The following AXL variants were observed in gnomAD, a reference collection of about 807,000 sequenced individuals.
AXL encodes tyrosine-protein kinase receptor UFO.
Under a neutral mutation model 104.5 loss-of-function variants are expected in AXL, and 52 were observed. The ratio of observed to expected loss-of-function variants is 0.50; its 90% CI spans 0.40 to 0.63. The LOEUF (loss-of-function observed/expected upper bound fraction) is 0.63, where lower values mean the gene tolerates loss of function less well. Ranked by LOEUF, AXL falls within the 20% of genes least tolerant of loss-of-function variation. AXL has a pLI of 0.00. For missense variants in AXL, 1,024 were observed against 1,188.5 expected (o/e 0.86, Z 2.04); for synonymous variants, 455 against 473.7 (o/e 0.96, Z 0.51).
At position 41,251,746 on chromosome 19, in the gene AXL, A is replaced by G. The variant is rs181859914; in HGVS notation, c.1712-605A>G. On this transcript the variant is annotated intron_variant, in intron 14 of 19. Transcript: ENST00000301178. Reference sequence around the variant, plus strand: ...AAAAATAAAAAACAAAAACAAAAACAAAACAAAACAAAACAAAAAACCAAT... The same window carrying G: ...AAAAATAAAAAACAAAAACAAAAACGAAACAAAACAAAACAAAAAACCAAT... Among the ~76,000 whole-genome samples the G allele has an allele frequency of 6.6e-5, 10 of 150,994 alleles. No homozygotes were observed. In the East Asian group the frequency reaches 1.7e-3, roughly 26 times the overall value.
intron 19 of AXL, 74 bp downstream of exon 19, chr19:41,257,703 G>A (rs2122293845): frequency 6.3e-7 from 1 of 1,580,994 alleles, no homozygotes; most frequent in African/African-American, 1.3e-5. Flanking sequence ...GCCCTCACAG[G>A]TCCAGGACTC....
intron 19 of AXL, among the ~76,000 whole-genome samples, 191 bp downstream of exon 19, chr19:41,257,820 G>A (rs371339246): frequency 6.6e-6 from 1 of 152,292 alleles, no homozygotes; most frequent in African/African-American, 2.4e-5. Context: ...TCAGCTAAAG[G>A]CACCCTTTCC....
At chr19:41,220,958 G>T (rs1335060215) in intron 2 of AXL, 100 bp downstream of exon 2, 16 of 1,389,712 alleles carry the variant, frequency 1.2e-5, no homozygotes, top group Non-Finnish European at 1.6e-5. Context: ...TGTCAGCCGT[G>T]CGGCTTTGAG....
intron 6 of AXL, among the ~76,000 whole-genome samples, chr19:41,233,108 G>T (rs1460057194): frequency 1.3e-5 from 2 of 151,714 alleles, no homozygotes; most frequent in Non-Finnish European, 2.9e-5. Context: ...TCTTGCCTCA[G>T]CCTCCTGAGT....
rs761277009 is a variant in AXL at position 41,238,084 on chromosome 19, C to T, written c.924C>T (p.Arg308=). The change falls in exon 7 of 20, where the codon CGC becomes CGT. Residue 308 remains arginine, a synonymous_variant. Coordinates refer to ENST00000301178, the MANE Select transcript of AXL (RefSeq NM_021913.5). ...SLHPHTPYHI[R]VACTSSQGPS... is the part of the protein sequence containing the mutation. The stretch of plus-strand genomic sequence containing the variant: ...ATCCTCACACCCCTTATCACATCCG[C>T]GTGGCATGCACCAGCAGCCAGGGCC... 85 of 1,614,024 alleles carry T rather than the reference C, an allele frequency of 5.3e-5. No individual in the cohort carries two copies. The Admixed American group carries it at 1.0e-3, about 19-fold the overall frequency.
intron 14 of AXL, among the ~76,000 whole-genome samples, chr19:41,251,659 A>G (rs1036172221): frequency 6.6e-6 from 1 of 151,822 alleles, no homozygotes; most frequent in Non-Finnish European, 1.5e-5. Context: ...ACCTCCAGTG[A>G]GCTATGTTTG....
In AXL at chr19:41,243,941, C is replaced by T. The variant is rs187534212; in HGVS notation, c.1537+234C>T. ...AACACCAAGGCTGGGTGTGGTGGCT[C>T]ATGCCTGTAATCCTAGCGCTTCGGG... On this transcript the variant is annotated intron_variant, in intron 12 of 19. Coordinates refer to ENST00000301178, the MANE Select transcript of AXL (RefSeq NM_021913.5). 2.6e-3 allele frequency: 1,213 copies of T among 472,382 alleles called. 4 individuals are homozygous for T. Among genetic ancestry groups the T allele is most frequent in the Admixed American group, 5.3e-3 (150 of 28,302 alleles). 29.3% of individuals were successfully genotyped at this position (472,382 alleles called of 1,614,324 possible).
intron 12 of AXL, among the ~76,000 whole-genome samples, chr19:41,246,582 G>A (rs1485173570): frequency 1.2e-4 from 18 of 151,994 alleles, no homozygotes; most frequent in Admixed American, 1.2e-3. Context: ...AGGTGTGGTG[G>A]TGTACACCTA....
At chr19:41,221,792 T>G in intron 3 of AXL, 88 bp from the exon 4 acceptor site, 1 of 1,441,338 alleles carries the variant, frequency 6.9e-7, no homozygotes, top group Non-Finnish European at 9.3e-7. Flanking sequence ...GTGGGTTTGC[T>G]GCCCAAAGCC....
rs531677112 is a variant in AXL at position 41,222,688 on chromosome 19, C to T, written c.586+632C>T. On this transcript the variant is annotated intron_variant, in intron 4 of 19. Transcript: ENST00000301178. ...TTGGGAGGCTGAGGCGGGCGGATCA[C>T]GAGGTCAGGAGATCAAGACCATCCT... 1.1e-3 allele frequency among the ~76,000 whole-genome samples: 168 copies of T among 151,786 alleles called. 3 individuals carry two copies. Among genetic ancestry groups the T allele is most frequent in the African/African-American group, 3.9e-3 (162 of 41,414 alleles).
chr19:41,249,954 A>G (rs2034335233), intron 14 of AXL, among the ~76,000 whole-genome samples: 1 of 152,128 alleles, frequency 6.6e-6, no homozygotes, highest in Non-Finnish European at 1.5e-5. Flanking sequence ...TGGGAAATGT[A>G]GTTTTCAGGG....
intron 14 of AXL, among the ~76,000 whole-genome samples, chr19:41,251,698 C>T (rs11879435): frequency 0.15 from 21,965 of 151,242 alleles, 1,749 homozygotes; most frequent in East Asian, 0.28. Context: ...TGGGTGACAG[C>T]GCAAGACCCT....
In AXL at chr19:41,221,934, C is replaced by G. The variant is rs1203463091; in HGVS notation, c.464C>G (p.Pro155Arg). 3.1e-6 allele frequency: 5 copies of G among 1,613,704 alleles called. No homozygotes were observed. Among genetic ancestry groups the G allele is most frequent in the Admixed American group, 1.7e-5 (1 of 59,962 alleles). Residue 155 changes from proline to arginine, a missense_variant, in exon 4 of 20, where the codon CCC becomes CGC. Transcript: ENST00000301178. ...PEDRTVAANTPFNLSCQAQGP... is the reference protein window; with the variant it reads ...PEDRTVAANTRFNLSCQAQGP... ...GACAGGACTGTGGCCGCCAACACCC[C>G]CTTCAACCTGAGCTGCCAAGCTCAG...
chr19:41,231,850 C>G (rs936035037), intron 6 of AXL, among the ~76,000 whole-genome samples: 1 of 151,606 alleles, frequency 6.6e-6, no homozygotes, highest in South Asian at 2.1e-4. Flanking sequence ...TTGCTTGAAC[C>G]TGGGAGGCGG....
chr19:41,220,885 C>T, intron 2 of AXL, 27 bp downstream of exon 2: 1 of 1,607,762 alleles, frequency 6.2e-7, no homozygotes, highest in Non-Finnish European at 8.5e-7. Context: ...CCGAATCCCA[C>T]TCCCACCTCC....
At chr19:41,254,881 T>C (rs545346084) in intron 17 of AXL, among the ~76,000 whole-genome samples, 3 of 152,244 alleles carry the variant, frequency 2.0e-5, no homozygotes. Context: ...ATCACTTCAC[T>C]ACTGCCTGGG....
At chr19:41,220,439 C>T in intron 1 of AXL, 197 bp from the exon 2 acceptor site, 2 of 576,058 alleles carry the variant, frequency 3.5e-6, no homozygotes, top group Non-Finnish European at 6.2e-6. Flanking sequence ...GACGCTAGAT[C>T]CCAGTCCCTT....
intron 4 of AXL, 139 bp from the exon 5 acceptor site, chr19:41,230,828 A>T: frequency 2.4e-6 from 2 of 839,896 alleles, no homozygotes; most frequent in Non-Finnish European, 4.0e-6. Context: ...CAACTCTGCT[A>T]ACCCTCCCTT....
chr19:41,254,389 A>AG (rs1568418504), intron 17 of AXL, among the ~76,000 whole-genome samples: 17 of 150,030 alleles, frequency 1.1e-4, no homozygotes, highest in Admixed American at 2.7e-4. Context: ...AAAAAAAAAA[A>AG]AAAAGAAAGA....
Sources: allele counts gnomAD v4.1 joint callset (sites outside exome capture counted in the v4.1 genomes callset), GRCh38; gene constraint gnomAD v4.1.1; transcripts MANE v1.5; gene names NCBI Gene and HGNC (gene_info 2026-07-23, HGNC 2026-07-21).